GNA14: variants seen among roughly 807,000 people sequenced by gnomAD.
GNA14 encodes G protein subunit alpha 14, also known as guanine nucleotide-binding protein subunit alpha-14.
In GNA14, 50 loss-of-function variants were observed where a neutral mutation model predicts 42.0. The observed-to-expected ratio is 1.19, with a 90% CI of 0.95 to 1.51. The LOEUF (loss-of-function observed/expected upper bound fraction) is 1.51, where lower values mean the gene tolerates loss of function less well. Ranked by LOEUF, GNA14 falls within the 40% of genes most tolerant of loss-of-function variation. The probability of loss-of-function intolerance (pLI) is 0.00; values close to 1 mark genes in which losing one functional copy is unlikely to be tolerated. For synonymous variants in GNA14, 173 were observed against 163.1 expected (o/e 1.06, Z -0.46); for missense variants, 473 against 446.2 (o/e 1.06, Z -0.54).
At chr9:77,499,972 C>G (rs1836938799) in intron 2 of GNA14, among the ~76,000 whole-genome samples, 1 of 151,834 alleles carries the variant, frequency 6.6e-6, no homozygotes, top group South Asian at 2.1e-4. Flanking sequence ...TAACCTTCCC[C>G]TGTTAAATAT....
intron 2 of GNA14, among the ~76,000 whole-genome samples, chr9:77,464,349 A>ATG (rs1309595416): frequency 5.2e-4 from 53 of 102,062 alleles, no homozygotes; most frequent in African/African-American, 1.9e-3. Flanking sequence ...GTGTGTGTGT[A>ATG]TATGTGTGTG....
chr9:77,432,060 GAGCTTAAA>G (rs1835564152), intron 3 of GNA14, among the ~76,000 whole-genome samples: 1 of 147,952 alleles, frequency 6.8e-6, no homozygotes, highest in African/African-American at 2.5e-5. Flanking sequence ...TTGAAGCCCT[GAGCTTAAA>G]ACATATTTTT....
At chr9:77,628,308 C>T (rs1206638970) in intron 1 of GNA14, among the ~76,000 whole-genome samples, 1 of 152,218 alleles carries the variant, frequency 6.6e-6, no homozygotes, top group African/African-American at 2.4e-5. Flanking sequence ...AATGGTCATA[C>T]TGCTCAAAGT....
chr9:77,643,303 T>C (rs1824298750), intron 1 of GNA14, among the ~76,000 whole-genome samples: 1 of 151,360 alleles, frequency 6.6e-6, no homozygotes, highest in Admixed American at 6.6e-5. Flanking sequence ...GCAATGGTGC[T>C]ATCTCAGCTC....
At chr9:77,634,434 A>AG (rs2118014394) in intron 1 of GNA14, among the ~76,000 whole-genome samples, 1 of 148,334 alleles carries the variant, frequency 6.7e-6, no homozygotes, top group East Asian at 2.0e-4. Flanking sequence ...AAAAAAAAAA[A>AG]GGAAGGAAGG....
At chr9:77,646,142 C>T (rs140787544) in intron 1 of GNA14, among the ~76,000 whole-genome samples, 13 of 152,290 alleles carry the variant, frequency 8.5e-5, no homozygotes, top group African/African-American at 3.1e-4. Context: ...CCCTTCCCCA[C>T]CCAAGCTCCC....
chr9:77,567,531 C>G (rs892647558), intron 1 of GNA14, among the ~76,000 whole-genome samples: 1 of 152,060 alleles, frequency 6.6e-6, no homozygotes. Flanking sequence ...CATTTTCTTC[C>G]ACAAGTTTTA....
At chr9:77,528,037 T>C (rs927888870) in intron 2 of GNA14, among the ~76,000 whole-genome samples, 9 of 152,192 alleles carry the variant, frequency 5.9e-5, no homozygotes, top group Non-Finnish European at 8.8e-5. Context: ...AGTAAAGACA[T>C]AGATTGTAGA....
In GNA14 at chr9:77,621,922, G is replaced by A. The variant is rs115719241; in HGVS notation, c.124+25748C>T. 2.6e-3 allele frequency among the ~76,000 whole-genome samples: 396 copies of A among 152,094 alleles called. 2 individuals are homozygous for A. Among genetic ancestry groups the A allele is most frequent in the African/African-American group, 4.7e-3 (196 of 41,500 alleles). ...TCATTTGCTCTATTTCATATTGTTC[G>A]TTAATTCATTTTCTTTTTATTAAGA... On this transcript the variant is annotated intron_variant, in intron 1 of 6. Coordinates refer to ENST00000341700, the MANE Select transcript of GNA14 (RefSeq NM_004297.4).
intron 1 of GNA14, 91 bp from the exon 2 acceptor site, chr9:77,529,344 A>G (rs926902732): frequency 1.1e-6 from 1 of 951,814 alleles, no homozygotes; most frequent in Non-Finnish European, 1.7e-6. Flanking sequence ...ATTAATCCAC[A>G]TCCCAATTAA....
intron 1 of GNA14, among the ~76,000 whole-genome samples, chr9:77,616,610 T>C (rs1823821875): frequency 6.6e-6 from 1 of 152,224 alleles, no homozygotes; most frequent in South Asian, 2.1e-4. Context: ...AGCAGGTGAT[T>C]ACAAACTTTG....
rs146673283 is a variant in GNA14, at chr9:77,518,872, T to C, written c.309+10197A>G. 6.5e-3 allele frequency among the ~76,000 whole-genome samples: 994 copies of C among 152,326 alleles called. 6 individuals carry two copies. Among genetic ancestry groups the C allele is most frequent in the African/African-American group, 0.023 (941 of 41,550 alleles). On this transcript the variant is annotated intron_variant, in intron 2 of 6. Transcript: ENST00000341700. The stretch of plus-strand genomic sequence containing the variant: ...TTTAAAAAGAGAAAGTGCCATTATT[T>C]TAAAATTTGATTTAGATAAAATACG...
chr9:77,613,052 C>T (rs1823758472), intron 1 of GNA14, among the ~76,000 whole-genome samples: 1 of 152,104 alleles, frequency 6.6e-6, no homozygotes, highest in Non-Finnish European at 1.5e-5. Flanking sequence ...GAAGGAAATC[C>T]TGCCATTTTG....
intron 2 of GNA14, among the ~76,000 whole-genome samples, chr9:77,478,887 T>A (rs1271728303): frequency 6.6e-6 from 1 of 152,216 alleles, no homozygotes; most frequent in Non-Finnish European, 1.5e-5. Flanking sequence ...TGTTTTTTTC[T>A]TGTAAATTTG....
rs192253176 is a variant in GNA14 at position 77,614,007 on chromosome 9, T to G, written c.124+33663A>C. Among the ~76,000 whole-genome samples, 17 of 152,308 alleles carry G rather than the reference T, an allele frequency of 1.1e-4. No individual in the cohort carries two copies. In the East Asian group the frequency reaches 2.9e-3, roughly 26 times the overall value. On this transcript the variant is annotated intron_variant, in intron 1 of 6. Coordinates refer to ENST00000341700, the MANE Select transcript of GNA14 (RefSeq NM_004297.4). ...ATACTTCTTGTTTGGAAATAGAATG[T>G]ATTAGTCAGAATATGCTGGGCTCTG...
At chr9:77,460,187 A>C (rs1836079178) in intron 2 of GNA14, among the ~76,000 whole-genome samples, 1 of 152,186 alleles carries the variant, frequency 6.6e-6, no homozygotes, top group Non-Finnish European at 1.5e-5. Flanking sequence ...GTACGGATTG[A>C]GATGAGGTCA....
intron 2 of GNA14, 36 bp from the exon 3 acceptor site, chr9:77,434,558 G>A: frequency 6.3e-7 from 1 of 1,591,822 alleles, no homozygotes; most frequent in Non-Finnish European, 8.6e-7. Context: ...ATCAGGCAAA[G>A]GAAAGGAAGC....
chr9:77,455,408 A>C (rs898613223), intron 2 of GNA14, among the ~76,000 whole-genome samples: 1 of 152,160 alleles, frequency 6.6e-6, no homozygotes, highest in Non-Finnish European at 1.5e-5. Context: ...TTACATCGGG[A>C]CTTCACTTTG....
chr9:77,463,378 G>A (rs774461134), intron 2 of GNA14, among the ~76,000 whole-genome samples: 8 of 151,986 alleles, frequency 5.3e-5, no homozygotes, highest in Non-Finnish European at 1.2e-4. Flanking sequence ...CTTGGAATCA[G>A]TGGATGTCAC....
Sources: allele counts gnomAD v4.1 joint callset (sites outside exome capture counted in the v4.1 genomes callset), GRCh38; gene constraint gnomAD v4.1.1; transcripts MANE v1.5; gene names NCBI Gene and HGNC (gene_info 2026-07-23, HGNC 2026-07-21).